Variants in NF1 observed in about 807,000 individuals in gnomAD.
The protein encoded by NF1 is neurofibromin.
Under a neutral mutation model 325.7 loss-of-function variants are expected in NF1, and 122 were observed. The ratio of observed to expected loss-of-function variants is 0.37; its 90% confidence interval spans 0.32 to 0.44. NF1 has a LOEUF of 0.44. Among genes scored for constraint, NF1 ranks in the 20% least tolerant of loss-of-function variants. The pLI is 1.00. For synonymous variants in NF1, 1,091 were observed against 1,186.0 expected (o/e 0.92, Z 1.65); for missense variants, 2,140 against 3,415.4 (o/e 0.63, Z 9.31).
At chr17:31,117,693 AAAAAAAAAAAG>A (rs1468975642) in intron 1 of NF1, among the ~76,000 whole-genome samples, 5 of 149,014 alleles carry the variant, frequency 3.4e-5, no homozygotes, top group Non-Finnish European at 6.0e-5. Flanking sequence ...AAAAAAAAAA[AAAAAAAAAAAG>A]GAATAGTGAT....
chr17:31,213,985 G>C (rs1185995030), intron 12 of NF1, among the ~76,000 whole-genome samples: 2 of 151,892 alleles, frequency 1.3e-5, no homozygotes, highest in African/African-American at 4.8e-5. Flanking sequence ...ATTCCTTTTG[G>C]GACATCAAAT....
At chr17:31,327,125 C>T (rs1220987714) in intron 37 of NF1, among the ~76,000 whole-genome samples, 5 of 152,046 alleles carry the variant, frequency 3.3e-5, no homozygotes, top group East Asian at 1.9e-4. Flanking sequence ...CCCACCGCCA[C>T]GGCAGGCTAG....
At chr17:31,247,325 A>T (rs907409702) in intron 29 of NF1, among the ~76,000 whole-genome samples, 1 of 152,216 alleles carries the variant, frequency 6.6e-6, no homozygotes, top group African/African-American at 2.4e-5. Flanking sequence ...CATAGAGCAC[A>T]TGATAAGACA....
chr17:31,316,809 ATTTG>A (rs943065092), intron 36 of NF1, among the ~76,000 whole-genome samples: 23 of 152,304 alleles, frequency 1.5e-4, no homozygotes, highest in African/African-American at 5.5e-4. Context: ...TAGAGAATAG[ATTTG>A]TTTTTTACAA....
At chr17:31,282,267 A>C (rs2068135039) in intron 36 of NF1, among the ~76,000 whole-genome samples, 1 of 151,662 alleles carries the variant, frequency 6.6e-6, no homozygotes, top group African/African-American at 2.4e-5. Context: ...CTGTAGTCCC[A>C]GCTACTTGGG....
chr17:31,324,672 G>A (rs1039816572), intron 36 of NF1, among the ~76,000 whole-genome samples: 1 of 151,346 alleles, frequency 6.6e-6, no homozygotes, highest in Non-Finnish European at 1.5e-5. Flanking sequence ...AGTGATTCTC[G>A]TGCCTCAGCC....
chr17:31,318,367 G>C lies in NF1; in HGVS notation c.4836-7453G>C, dbSNP rs373535159. Reference sequence around the variant, plus strand: ...TTCATCTTTTCTTTCCCTTGTAGCTGTGAGCACTCCAGTAGATTGCATCAC... The same window carrying C: ...TTCATCTTTTCTTTCCCTTGTAGCTCTGAGCACTCCAGTAGATTGCATCAC... On this transcript the variant is annotated intron_variant, in intron 36 of 57. Coordinates refer to ENST00000358273, the MANE Select transcript of NF1 (RefSeq NM_001042492.3). The C allele has an allele frequency of 3.1e-6, 5 of 1,613,834 alleles. No homozygotes were observed. In the South Asian group the frequency reaches 4.4e-5, roughly 14 times the overall value.
chr17:31,161,510 G>A (rs1002662186), intron 3 of NF1, among the ~76,000 whole-genome samples: 13 of 152,154 alleles, frequency 8.5e-5, no homozygotes, highest in African/African-American at 3.1e-4. Flanking sequence ...AAATAGTAAT[G>A]TGGAACAGCA....
intron 11 of NF1, among the ~76,000 whole-genome samples, chr17:31,202,534 G>A (rs1052747306): frequency 6.6e-6 from 1 of 152,122 alleles, no homozygotes; most frequent in African/African-American, 2.4e-5. Flanking sequence ...GAGCATTTTG[G>A]GAGGACAGTC....
intron 36 of NF1, among the ~76,000 whole-genome samples, chr17:31,310,794 A>G (rs1053735637): frequency 2.6e-5 from 4 of 152,108 alleles, no homozygotes; most frequent in Non-Finnish European, 5.9e-5. Flanking sequence ...ACTCATTATT[A>G]TAGGCTGGCA....
chr17:31,260,867 A>G (rs562534034), intron 34 of NF1, among the ~76,000 whole-genome samples: 1 of 152,312 alleles, frequency 6.6e-6, no homozygotes, highest in African/African-American at 2.4e-5. Flanking sequence ...GTAGGAATTC[A>G]GTAATTAAAA....
At chr17:31,170,444 G>T (rs372282459) in intron 5 of NF1, among the ~76,000 whole-genome samples, 1 of 152,190 alleles carries the variant, frequency 6.6e-6, no homozygotes, top group South Asian at 2.1e-4. Context: ...TTGAGCCAGA[G>T]ATTTCATTTC....
intron 36 of NF1, chr17:31,304,202 C>T (rs936221067): frequency 6.8e-7 from 1 of 1,466,938 alleles, no homozygotes; most frequent in Non-Finnish European, 9.2e-7. Flanking sequence ...TATATGTTAA[C>T]ATATAAAGAA....
rs771415669 is a variant in NF1, at chr17:31,163,396, T to A, written c.479+20T>A. 2.4e-5 allele frequency: 38 copies of A among 1,607,872 alleles called. No individual in the cohort carries two copies. The highest frequency in any genetic ancestry group is 1.5e-4 in the Admixed American group (9 of 59,996). ...TACCAGGTTAGTGTGTAAATCCACA[T>A]GGGACTACTGAAGTAATATGAATAT... On this transcript the variant is annotated intron_variant, in intron 4 of 57. Coordinates refer to ENST00000358273, the MANE Select transcript of NF1 (RefSeq NM_001042492.3).
At chr17:31,300,941 C>G (rs1001569632) in intron 36 of NF1, among the ~76,000 whole-genome samples, 1 of 152,086 alleles carries the variant, frequency 6.6e-6, no homozygotes, top group African/African-American at 2.4e-5. Context: ...TAAATGTTTT[C>G]TCCTGTAACT....
chr17:31,172,673 A>G (rs2065949344), intron 5 of NF1, among the ~76,000 whole-genome samples: 1 of 152,196 alleles, frequency 6.6e-6, no homozygotes, highest in Non-Finnish European at 1.5e-5. Context: ...ATTGTTCAGT[A>G]AAGATTGAGT....
At chr17:31,293,032 G>A (rs1454549808) in intron 36 of NF1, among the ~76,000 whole-genome samples, 1 of 151,762 alleles carries the variant, frequency 6.6e-6, no homozygotes, top group African/African-American at 2.4e-5. Flanking sequence ...ACAAAAATTA[G>A]TCGAGCGTGG....
chr17:31,108,303 C>G (rs1913073677), intron 1 of NF1, among the ~76,000 whole-genome samples: 1 of 110,140 alleles, frequency 9.1e-6, no homozygotes, highest in Non-Finnish European at 1.7e-5. Flanking sequence ...GAGACAGAGT[C>G]TCACTCTATT....
intron 29 of NF1, among the ~76,000 whole-genome samples, chr17:31,238,212 C>G (rs77081913): frequency 0.016 from 2,495 of 152,132 alleles, 40 homozygotes; most frequent in Admixed American, 0.026. Flanking sequence ...GTAAGTTTTA[C>G]CTCCAGAAGC....
Sources: gnomAD v4.1 joint callset for allele counts (sites outside exome capture counted in the v4.1 genomes callset) on GRCh38, gnomAD v4.1.1 for gene constraint, MANE v1.5 for transcripts, NCBI Gene and HGNC (gene_info 2026-07-23, HGNC 2026-07-21) for gene names.